GUCY1A2: variants seen among roughly 807,000 people sequenced by gnomAD.
The protein encoded by GUCY1A2 is guanylate cyclase 1 soluble subunit alpha 2.
In GUCY1A2, 27 loss-of-function variants were observed where a neutral mutation model predicts 63.5. The observed-to-expected ratio is 0.43, with a 90% CI of 0.31 to 0.59. The LOEUF (loss-of-function observed/expected upper bound fraction) is 0.59. Ranked by LOEUF, GUCY1A2 falls within the 20% of genes least tolerant of loss-of-function variation. The pLI is 0.11. For synonymous variants in GUCY1A2, 364 were observed against 343.5 expected (o/e 1.06, Z -0.66); for missense variants, 768 against 913.3 (o/e 0.84, Z 2.05).
At chr11:106,907,651 C>T (rs11211970) in intron 4 of GUCY1A2, among the ~76,000 whole-genome samples, 35,538 of 151,586 alleles carry the variant, frequency 0.23, 4,300 homozygotes, top group Non-Finnish European at 0.26. Context: ...TGAGAACATG[C>T]GGTGTTTGGT....
intron 7 of GUCY1A2, among the ~76,000 whole-genome samples, chr11:106,696,166 ACTAAAGATCATT>A: frequency 6.6e-6 from 1 of 152,324 alleles, no homozygotes; most frequent in East Asian, 1.9e-4. Flanking sequence ...ATGCTAAATA[ACTAAAGATCATT>A]CTACCCCATT....
chr11:106,952,412 C>T (rs1191176754), intron 3 of GUCY1A2, among the ~76,000 whole-genome samples: 1 of 152,028 alleles, frequency 6.6e-6, no homozygotes, highest in Non-Finnish European at 1.5e-5. Flanking sequence ...TCTCTTATTT[C>T]CTTGAGCAGT....
chr11:106,787,087 G>C (rs1864568490), intron 5 of GUCY1A2, among the ~76,000 whole-genome samples: 1 of 151,686 alleles, frequency 6.6e-6, no homozygotes, highest in East Asian at 1.9e-4. Context: ...CATTTTTTTA[G>C]TATTTTTTGT....
chr11:106,785,280 C>T (rs72994953), intron 5 of GUCY1A2, among the ~76,000 whole-genome samples: 25,200 of 152,004 alleles, frequency 0.17, 2,528 homozygotes, highest in South Asian at 0.28. Flanking sequence ...ACTGAGTATA[C>T]GACTTTTTCA....
intron 3 of GUCY1A2, among the ~76,000 whole-genome samples, chr11:106,957,940 AT>A (rs1353759281): frequency 7.0e-6 from 1 of 143,454 alleles, no homozygotes; most frequent in Non-Finnish European, 1.5e-5. Flanking sequence ...GAAATCTAAA[AT>A]TTTTTTCAAT....
chr11:106,930,048 C>T (rs1860580280), intron 4 of GUCY1A2, among the ~76,000 whole-genome samples: 1 of 151,768 alleles, frequency 6.6e-6, no homozygotes, highest in South Asian at 2.1e-4. Context: ...TAAAATTTAA[C>T]AAAAGGAGTA....
chr11:106,709,152 ACATG>A (rs1862977188), intron 6 of GUCY1A2, among the ~76,000 whole-genome samples: 1 of 117,032 alleles, frequency 8.5e-6, no homozygotes, highest in African/African-American at 3.1e-5. Context: ...TATATTATAT[ACATG>A]TATATAATAT....
chr11:106,715,440 C>T (rs766358096), intron 6 of GUCY1A2, among the ~76,000 whole-genome samples: 3 of 152,150 alleles, frequency 2.0e-5, no homozygotes, highest in Admixed American at 6.5e-5. Flanking sequence ...CCGAGTTCAG[C>T]GCATTATAAA....
At chr11:106,915,052 A>C (rs1305197774) in intron 4 of GUCY1A2, among the ~76,000 whole-genome samples, 1 of 152,180 alleles carries the variant, frequency 6.6e-6, no homozygotes, top group Non-Finnish European at 1.5e-5. Flanking sequence ...CAGACAAACA[A>C]AAGCAGGAAA....
At chr11:107,004,256 A>T (rs75030499) in intron 1 of GUCY1A2, among the ~76,000 whole-genome samples, 1 of 152,232 alleles carries the variant, frequency 6.6e-6, no homozygotes, top group African/African-American at 2.4e-5. Flanking sequence ...GGAGTTAAAC[A>T]GAACAAGATT....
At chr11:107,008,258 G>A (rs796355266) in intron 1 of GUCY1A2, among the ~76,000 whole-genome samples, 8 of 128,804 alleles carry the variant, frequency 6.2e-5, no homozygotes, top group Admixed American at 1.1e-4. Context: ...CAGCTTGGGC[G>A]ACAGAGCAAG....
chr11:106,694,293 A>G (rs1017285573), intron 7 of GUCY1A2, among the ~76,000 whole-genome samples: 7 of 152,162 alleles, frequency 4.6e-5, no homozygotes, highest in African/African-American at 1.7e-4. Flanking sequence ...CTCTGGTTCA[A>G]TGTCTCAGGA....
At chr11:106,776,675 C>T (rs1864362630) in intron 5 of GUCY1A2, 93 bp from the exon 6 acceptor site, 2 of 1,214,018 alleles carry the variant, frequency 1.6e-6, no homozygotes, top group African/African-American at 1.5e-5. Flanking sequence ...TGCTGAAAAA[C>T]ATGTCGGCAA....
intron 4 of GUCY1A2, among the ~76,000 whole-genome samples, chr11:106,876,405 AC>A (rs979493104): frequency 3.5e-4 from 52 of 149,822 alleles, no homozygotes; most frequent in Admixed American, 1.1e-3. Context: ...AATAATTGCT[AC>A]TTTAATTCAA....
chr11:106,777,891 A>AT (rs1250672931), intron 5 of GUCY1A2, among the ~76,000 whole-genome samples: 1 of 152,216 alleles, frequency 6.6e-6, no homozygotes, highest in Non-Finnish European at 1.5e-5. Context: ...TGAGGTGCAG[A>AT]GGCCCATCCA....
chr11:106,833,965 T>G (rs912544653), intron 4 of GUCY1A2, among the ~76,000 whole-genome samples: 1 of 152,026 alleles, frequency 6.6e-6, no homozygotes, highest in Admixed American at 6.6e-5. Flanking sequence ...ATTTTATATA[T>G]TCAATGTGTA....
At chr11:106,867,946 G>A (rs1859618604) in intron 4 of GUCY1A2, among the ~76,000 whole-genome samples, 1 of 151,952 alleles carries the variant, frequency 6.6e-6, no homozygotes, top group African/African-American at 2.4e-5. Flanking sequence ...GAATTTATAT[G>A]AGAATTGCCT....
Position 106,905,051 on chromosome 11 carries a change from A to G in GUCY1A2, c.1206+34409T>C, listed in dbSNP as rs146726077. Among the ~76,000 whole-genome samples the G allele has an allele frequency of 2.1e-3, 324 of 152,264 alleles. 11 individuals carry two copies. The East Asian group carries it at 0.051, about 24-fold the overall frequency. On this transcript the variant is annotated intron_variant, in intron 4 of 7. Coordinates refer to ENST00000526355, the MANE Select transcript of GUCY1A2 (RefSeq NM_000855.3). The stretch of plus-strand genomic sequence containing the variant: ...TCAGAAAAGACAGGAAATGATGCAT[A>G]ATGCCTAACCATGAATGTAAGGCAC...
At chr11:106,991,109 C>T (rs932173188) in intron 1 of GUCY1A2, among the ~76,000 whole-genome samples, 5 of 152,008 alleles carry the variant, frequency 3.3e-5, no homozygotes, top group African/African-American at 1.2e-4. Context: ...AATACCTCAG[C>T]CTACTGAGGA....
Sources: allele counts gnomAD v4.1 joint callset (sites outside exome capture counted in the v4.1 genomes callset), GRCh38; gene constraint gnomAD v4.1.1; transcripts MANE v1.5; gene names NCBI Gene and HGNC (gene_info 2026-07-23, HGNC 2026-07-21).